IPO11: variants seen among roughly 807,000 people sequenced by gnomAD.
IPO11 encodes importin-11.
IPO11 carries 66 observed loss-of-function variants against 143.2 expected under a neutral mutation model. The observed-to-expected ratio is 0.46, with a 90% CI of 0.38 to 0.57. The LOEUF is 0.57. Ranked by LOEUF, IPO11 falls within the 20% of genes least tolerant of loss-of-function variation. IPO11 has a pLI of 0.00. For missense variants in IPO11, 1,026 were observed against 1,141.0 expected, an observed-to-expected ratio of 0.90 and a Z score of 1.45; for synonymous variants, 385 against 377.8, an observed-to-expected ratio of 1.02 and a Z score of -0.22.
At chr5:62,584,748 T>C (rs564127587) in intron 27 of IPO11, among the ~76,000 whole-genome samples, 199 of 148,982 alleles carry the variant, frequency 1.3e-3, no homozygotes, top group African/African-American at 4.7e-3. Context: ...TTTTTTGTTT[T>C]TGTTTTTTTT....
chr5:62,517,618 G>T (rs1190256190), intron 20 of IPO11, among the ~76,000 whole-genome samples: 2 of 152,116 alleles, frequency 1.3e-5, no homozygotes, highest in African/African-American at 4.8e-5. Context: ...GGTCAGGCTG[G>T]TCTTGAACTG....
intron 27 of IPO11, chr5:62,580,298 A>G (rs780798979): frequency 6.5e-7 from 1 of 1,537,728 alleles, no homozygotes. Context: ...AGTCATAATG[A>G]TTTAGAGAAT....
intron 20 of IPO11, among the ~76,000 whole-genome samples, chr5:62,522,986 T>TGC (rs1742252962): frequency 6.6e-6 from 1 of 152,174 alleles, no homozygotes; most frequent in African/African-American, 2.4e-5. Context: ...CACACAGTTG[T>TGC]GCACACACAC....
At chr5:62,544,730 G>T (rs1743094147) in intron 24 of IPO11, among the ~76,000 whole-genome samples, 1 of 152,156 alleles carries the variant, frequency 6.6e-6, no homozygotes, top group South Asian at 2.1e-4. Context: ...ATCTCCTTAA[G>T]CTGATAAGCA....
intron 1 of IPO11, among the ~76,000 whole-genome samples, chr5:62,435,573 G>T (rs1296936371): frequency 6.6e-6 from 1 of 151,910 alleles, no homozygotes; most frequent in Non-Finnish European, 1.5e-5. Flanking sequence ...CTGGGTGACA[G>T]AAATTTAAAA....
intron 3 of IPO11, among the ~76,000 whole-genome samples, chr5:62,445,798 T>G (rs1744700026): frequency 6.6e-6 from 1 of 152,180 alleles, no homozygotes; most frequent in Non-Finnish European, 1.5e-5. Context: ...TTACAACATT[T>G]TGTATTTACT....
chr5:62,439,614 A>G (rs1386710728), intron 2 of IPO11, among the ~76,000 whole-genome samples: 1 of 149,030 alleles, frequency 6.7e-6, no homozygotes, highest in African/African-American at 2.5e-5. Flanking sequence ...TTAAGTAGAG[A>G]CAGGGTCTTG....
chr5:62,476,876 T>C, intron 9 of IPO11, 123 bp downstream of exon 9: 8 of 1,071,278 alleles, frequency 7.5e-6, no homozygotes, highest in Non-Finnish European at 9.9e-6. Flanking sequence ...TTCTGACTCC[T>C]TATAGGAAAG....
At chr5:62,435,136 G>GTACATATGTA (rs1744149420) in intron 1 of IPO11, among the ~76,000 whole-genome samples, 1 of 95,900 alleles carries the variant, frequency 1.0e-5, no homozygotes, top group Non-Finnish European at 1.9e-5. Flanking sequence ...GTATATATAT[G>GTACATATGTA]TATATATGTA....
chr5:62,420,917 C>T (rs1169552700), intron 1 of IPO11, among the ~76,000 whole-genome samples: 1 of 152,150 alleles, frequency 6.6e-6, no homozygotes, highest in Admixed American at 6.5e-5. Context: ...TCATAGAATA[C>T]ACAAAATATA....
chr5:62,432,910 C>G (rs1382384030), intron 1 of IPO11, among the ~76,000 whole-genome samples: 1 of 152,134 alleles, frequency 6.6e-6, no homozygotes, highest in Non-Finnish European at 1.5e-5. Flanking sequence ...GTTAAGCTGG[C>G]GACTGACGAT....
chr5:62,496,512 C>T (rs920756931), intron 16 of IPO11, among the ~76,000 whole-genome samples: 1 of 152,056 alleles, frequency 6.6e-6, no homozygotes, highest in African/African-American at 2.4e-5. Context: ...CAGTAAGGCA[C>T]CCAGTTAGTG....
intron 27 of IPO11, among the ~76,000 whole-genome samples, chr5:62,589,104 A>G (rs1744918535): frequency 6.6e-6 from 1 of 151,910 alleles, no homozygotes; most frequent in Non-Finnish European, 1.5e-5. Context: ...ACTTCATCCC[A>G]TCTCTGGGAT....
intron 29 of IPO11, among the ~76,000 whole-genome samples, chr5:62,613,298 CTTTTTTT>C (rs372608086): frequency 4.3e-5 from 3 of 69,086 alleles, no homozygotes; most frequent in African/African-American, 5.4e-5. Flanking sequence ...ACATGCTCTT[CTTTTTTT>C]TTTTTTTTTT....
chr5:62,614,124 A>T (rs1021998672), intron 29 of IPO11, among the ~76,000 whole-genome samples: 2 of 152,226 alleles, frequency 1.3e-5, no homozygotes, highest in Admixed American at 6.5e-5. Context: ...CCTTGGAATA[A>T]AGTACTTTAA....
chr5:62,571,814 T>C (rs984789185), intron 27 of IPO11, among the ~76,000 whole-genome samples: 13 of 152,066 alleles, frequency 8.5e-5, no homozygotes, highest in Non-Finnish European at 1.5e-4. Flanking sequence ...GCCTCCCCAT[T>C]AGCTGGGATC....
At position 62,438,807 on chromosome 5, in the gene IPO11, C is replaced by T. The variant is rs147089691; in HGVS notation, c.138+1390C>T. Among the ~76,000 whole-genome samples the T allele has an allele frequency of 2.6e-3, 390 of 152,074 alleles. 3 individuals are homozygous for T. Among genetic ancestry groups the T allele is most frequent in the African/African-American group, 8.7e-3 (362 of 41,490 alleles). ...AGGTGTGGTGGCTTATGCCTGTCAT[C>T]CCAGCACTTTGGGAGGCCAAGGCGG... On this transcript the variant is annotated intron_variant, in intron 2 of 29. Coordinates refer to ENST00000325324, the MANE Select transcript of IPO11 (RefSeq NM_016338.5).
chr5:62,550,093 G>A (rs32171), intron 24 of IPO11, among the ~76,000 whole-genome samples: 108,360 of 152,098 alleles, frequency 0.71, 39,320 homozygotes, highest in African/African-American at 0.85. Context: ...TTAACTGCAT[G>A]TGATACCTAT....
chr5:62,525,048 ACTTCT>A (rs1250443391), intron 20 of IPO11, among the ~76,000 whole-genome samples: 1 of 152,174 alleles, frequency 6.6e-6, no homozygotes, highest in African/African-American at 2.4e-5. Flanking sequence ...TTAGATCGAA[ACTTCT>A]CTTCTTCTTC....
Sources: allele counts gnomAD v4.1 joint callset (sites outside exome capture counted in the v4.1 genomes callset), GRCh38; gene constraint gnomAD v4.1.1; transcripts MANE v1.5; gene names NCBI Gene and HGNC (gene_info 2026-07-23, HGNC 2026-07-21).